LHFPL2: variants seen among roughly 807,000 people sequenced by gnomAD.
LHFPL2 encodes LHFPL tetraspan subfamily member 2.
A neutral mutation model predicts 17.5 loss-of-function variants in LHFPL2; 7 were observed. The ratio of observed to expected loss-of-function variants is 0.40; its 90% CI spans 0.23 to 0.75. The LOEUF (loss-of-function observed/expected upper bound fraction) is 0.75, where lower values mean the gene tolerates loss of function less well. Ranked by LOEUF, LHFPL2 falls within the 30% of genes least tolerant of loss-of-function variation. LHFPL2 has a pLI of 0.37. For missense variants in LHFPL2, 241 were observed against 294.8 expected (o/e 0.82, Z 1.34); for synonymous variants, 134 against 116.2 (o/e 1.15, Z -0.99).
intron 1 of LHFPL2, among the ~76,000 whole-genome samples, chr5:78,636,080 T>A (rs1745440132): frequency 6.6e-6 from 1 of 152,074 alleles, no homozygotes; most frequent in Non-Finnish European, 1.5e-5. Flanking sequence ...CTCCCAGGCA[T>A]CCTGTGCTCT....
At chr5:78,525,070 G>A (rs575871612) in intron 3 of LHFPL2, among the ~76,000 whole-genome samples, 2 of 152,290 alleles carry the variant, frequency 1.3e-5, no homozygotes, top group Middle Eastern at 3.4e-3. Flanking sequence ...AGGATGGTTA[G>A]CAGCATTCCT....
chr5:78,494,359 C>T (rs760467540), intron 4 of LHFPL2: 9 of 985,208 alleles, frequency 9.1e-6, no homozygotes, highest in African/African-American at 1.7e-5. Context: ...GAGGGCTGCT[C>T]ACCTCTGCGA....
intron 2 of LHFPL2, among the ~76,000 whole-genome samples, chr5:78,628,741 T>C (rs561665106): frequency 6.6e-6 from 1 of 152,362 alleles, no homozygotes; most frequent in African/African-American, 2.4e-5. Flanking sequence ...TTCCCCAGCC[T>C]GCTGGGCTGC....
chr5:78,612,930 T>C (rs1290711255), intron 2 of LHFPL2, among the ~76,000 whole-genome samples: 1 of 152,224 alleles, frequency 6.6e-6, no homozygotes, highest in Non-Finnish European at 1.5e-5. Flanking sequence ...AAGGTAGAGA[T>C]TCATCCAGCC....
At chr5:78,502,426 T>C (rs1415389251) in intron 4 of LHFPL2, among the ~76,000 whole-genome samples, 2 of 152,220 alleles carry the variant, frequency 1.3e-5, no homozygotes, top group African/African-American at 4.8e-5. Context: ...TTGAAATACA[T>C]CTCAACAGAC....
At chr5:78,542,603 G>A (rs1756146559) in intron 3 of LHFPL2, among the ~76,000 whole-genome samples, 1 of 152,036 alleles carries the variant, frequency 6.6e-6, no homozygotes, top group South Asian at 2.1e-4. Flanking sequence ...ATCTCCACAT[G>A]CACACCTCTC....
chr5:78,550,011 C>A (rs933777977), intron 3 of LHFPL2, among the ~76,000 whole-genome samples: 2 of 152,178 alleles, frequency 1.3e-5, no homozygotes, highest in Non-Finnish European at 2.9e-5. Flanking sequence ...TGAGCATTGA[C>A]AGAAGTCTTG....
intron 3 of LHFPL2, among the ~76,000 whole-genome samples, chr5:78,516,790 AGACT>A (rs1755305261): frequency 6.6e-6 from 1 of 152,238 alleles, no homozygotes; most frequent in African/African-American, 2.4e-5. Context: ...AAGCCAGGGC[AGACT>A]GACTCAGAAC....
At chr5:78,589,490 G>A (rs1305743410) in intron 2 of LHFPL2, among the ~76,000 whole-genome samples, 2 of 150,548 alleles carry the variant, frequency 1.3e-5, no homozygotes, top group African/African-American at 2.5e-5. Flanking sequence ...AAAATTAGAA[G>A]TCATCTAATT....
At chr5:78,499,920 G>C (rs1490546289) in intron 4 of LHFPL2, among the ~76,000 whole-genome samples, 3 of 151,988 alleles carry the variant, frequency 2.0e-5, no homozygotes, top group Non-Finnish European at 2.9e-5. Flanking sequence ...TAATGAACAG[G>C]TCAGAACAAT....
chr5:78,617,131 C>T (rs1401365608), intron 2 of LHFPL2, among the ~76,000 whole-genome samples: 2 of 152,026 alleles, frequency 1.3e-5, no homozygotes, highest in Non-Finnish European at 2.9e-5. Flanking sequence ...CAGGTTCAGG[C>T]GATTCTCCTG....
intron 3 of LHFPL2, among the ~76,000 whole-genome samples, chr5:78,548,455 C>T (rs1322151135): frequency 6.6e-6 from 1 of 152,254 alleles, no homozygotes; most frequent in Non-Finnish European, 1.5e-5. Context: ...ATCTGCTAAT[C>T]AGATTTGCCC....
At chr5:78,539,003 C>T (rs531242072) in intron 3 of LHFPL2, among the ~76,000 whole-genome samples, 2 of 152,336 alleles carry the variant, frequency 1.3e-5, no homozygotes, top group Admixed American at 1.3e-4. Context: ...AGGCACTTGA[C>T]ACCTGCTATG....
chr5:78,540,428 C>T (rs1756075545), intron 3 of LHFPL2, among the ~76,000 whole-genome samples: 2 of 152,238 alleles, frequency 1.3e-5, no homozygotes, highest in African/African-American at 4.8e-5. Flanking sequence ...TTCCTCCTTT[C>T]GGTTCCAAAA....
intron 4 of LHFPL2, among the ~76,000 whole-genome samples, chr5:78,502,995 G>C (rs1754819857): frequency 6.6e-6 from 1 of 152,036 alleles, no homozygotes; most frequent in African/African-American, 2.4e-5. Flanking sequence ...AATGGTGGCT[G>C]TCTTTAAAAG....
In LHFPL2 at chr5:78,494,468, A is replaced by AC. The variant is rs1363708351; in HGVS notation, c.431-5316dup. On this transcript the variant is annotated intron_variant, in intron 4 of 4. Transcript: ENST00000380345. ...CCCCGTGTTCTAACAGCCTCATTGT[A>AC]CCAAGGAGGTTAGAAGACGTTAGCA... is the stretch of plus-strand genomic sequence containing the variant. 7 of 985,060 alleles carry AC rather than the reference A, an allele frequency of 7.1e-6. No individual in the cohort carries two copies. The East Asian group carries it at 5.7e-4, about 80-fold the overall frequency. The allele number at this position is 985,060 out of a possible 1,614,324, so 61.0% of individuals were successfully genotyped here. A position where few individuals can be genotyped will look rare whatever the true frequency, so the allele number is the denominator to read the frequency against.
intron 2 of LHFPL2, among the ~76,000 whole-genome samples, chr5:78,583,228 CTT>C (rs1420373004): frequency 1.3e-5 from 2 of 151,494 alleles, no homozygotes; most frequent in Non-Finnish European, 1.5e-5. Flanking sequence ...GGTCTTGACT[CTT>C]TATCCAATTT....
At chr5:78,610,485 C>A (rs1231105558) in intron 2 of LHFPL2, among the ~76,000 whole-genome samples, 3 of 152,136 alleles carry the variant, frequency 2.0e-5, no homozygotes, top group Non-Finnish European at 2.9e-5. Context: ...ACTCGGAAGC[C>A]AAGGGCCTGC....
intron 3 of LHFPL2, among the ~76,000 whole-genome samples, chr5:78,528,282 G>A (rs1229386046): frequency 1.3e-5 from 2 of 152,196 alleles, no homozygotes; most frequent in Non-Finnish European, 2.9e-5. Flanking sequence ...TCTGTGGCCT[G>A]TTAGGAACTG....
Sources: gnomAD v4.1 joint callset for allele counts (sites outside exome capture counted in the v4.1 genomes callset) on GRCh38, gnomAD v4.1.1 for gene constraint, MANE v1.5 for transcripts, NCBI Gene and HGNC (gene_info 2026-07-23, HGNC 2026-07-21) for gene names.